The following GRIK4 variants were observed in gnomAD, a reference collection of about 807,000 sequenced individuals.
GRIK4 encodes glutamate receptor ionotropic, kainate 4.
In GRIK4, 40 loss-of-function variants were observed where a neutral mutation model predicts 104.9. That is an observed-to-expected ratio of 0.38 (90% CI 0.30 to 0.50). The LOEUF is 0.50. Among genes scored for constraint, GRIK4 ranks in the 20% least tolerant of loss-of-function variants. The probability of loss-of-function intolerance (pLI) is 0.93; values close to 1 mark genes in which losing one functional copy is unlikely to be tolerated. For missense variants in GRIK4, 1,047 were observed against 1,308.1 expected (o/e 0.80, Z 3.08); for synonymous variants, 485 against 524.9 (o/e 0.92, Z 1.04).
At chr11:120,817,793 A>T (rs4936552) in intron 5 of GRIK4, among the ~76,000 whole-genome samples, 42,937 of 152,106 alleles carry the variant, frequency 0.28, 6,966 homozygotes, top group East Asian at 0.42. Flanking sequence ...AAGGCTCCCC[A>T]TCAGCTCCCC....
chr11:120,805,298 C>G lies in GRIK4; in HGVS notation c.247+2441C>G, dbSNP rs1019623412. On this transcript the variant is annotated intron_variant, in intron 4 of 20. Coordinates refer to ENST00000527524, the MANE Select transcript of GRIK4 (RefSeq NM_014619.5). ...GTAGTCCATACTTTGAAAAGCCAGC[C>G]CTTCTCTTCTCGGTTCTTCAGGGCT... Among the ~76,000 whole-genome samples, 6 of 152,124 alleles carry G rather than the reference C, an allele frequency of 3.9e-5. 1 individual carries two copies. In the South Asian group the frequency reaches 1.0e-3, roughly 26 times the overall value.
chr11:120,951,569 T>C (rs1423290306), intron 14 of GRIK4, among the ~76,000 whole-genome samples: 1 of 152,258 alleles, frequency 6.6e-6, no homozygotes, highest in Non-Finnish European at 1.5e-5. Context: ...TTAGTACTGA[T>C]TTTCAGTCCT....
At chr11:120,947,526 G>A (rs1156832656) in intron 14 of GRIK4, among the ~76,000 whole-genome samples, 88 of 152,176 alleles carry the variant, frequency 5.8e-4, no homozygotes, top group Admixed American at 5.8e-3. Flanking sequence ...CTAGGAAAAT[G>A]GAGAACAATG....
intron 4 of GRIK4, among the ~76,000 whole-genome samples, chr11:120,807,416 T>C (rs1591938324): frequency 6.6e-6 from 1 of 152,206 alleles, no homozygotes; most frequent in East Asian, 1.9e-4. Context: ...AGGCCAAGCA[T>C]GCTATCAGCT....
chr11:120,664,705 G>T (rs1949877779), intron 3 of GRIK4, among the ~76,000 whole-genome samples: 1 of 152,224 alleles, frequency 6.6e-6, no homozygotes, highest in African/African-American at 2.4e-5. Flanking sequence ...CTGGTAAGGA[G>T]TTGAAAGATG....
At chr11:120,860,308 C>G (rs1405012155) in intron 8 of GRIK4, among the ~76,000 whole-genome samples, 2 of 152,194 alleles carry the variant, frequency 1.3e-5, no homozygotes, top group East Asian at 3.8e-4. Context: ...AATCTACACC[C>G]TCTTGACTGG....
chr11:120,689,449 G>C (rs897288263), intron 3 of GRIK4, among the ~76,000 whole-genome samples: 4 of 151,940 alleles, frequency 2.6e-5, no homozygotes, highest in Non-Finnish European at 5.9e-5. Context: ...CCATGATCCA[G>C]CCATACCCAC....
chr11:120,719,342 G>T (rs1950891031), intron 3 of GRIK4, among the ~76,000 whole-genome samples: 1 of 152,226 alleles, frequency 6.6e-6, no homozygotes, highest in Non-Finnish European at 1.5e-5. Flanking sequence ...CAGTGTGTGT[G>T]AGGGGTTAAC....
At chr11:120,784,920 G>A (rs1053469911) in intron 3 of GRIK4, among the ~76,000 whole-genome samples, 22 of 152,102 alleles carry the variant, frequency 1.4e-4, no homozygotes, top group African/African-American at 4.8e-5. Context: ...GCGTGAGGTC[G>A]GCGCTCAGTA....
intron 19 of GRIK4, 88 bp from the exon 20 acceptor site, chr11:120,982,018 T>C: frequency 1.1e-6 from 1 of 909,806 alleles, no homozygotes; most frequent in Non-Finnish European, 1.8e-6. Context: ...CTCAAGTTCT[T>C]GTTTGAATGA....
In GRIK4 at chr11:120,741,435, C is replaced by T. The variant is rs533168316; in HGVS notation, c.83-61258C>T. On this transcript the variant is annotated intron_variant, in intron 3 of 20. Transcript: ENST00000527524. The stretch of plus-strand genomic sequence containing the variant: ...CTGGGACTACAGGCACGCACCACCA[C>T]GCCCAGCTAATTTTTGTATTTTTTA... Among the ~76,000 whole-genome samples the T allele has an allele frequency of 5.2e-3, 789 of 151,932 alleles. 2 individuals are homozygous for T. Among genetic ancestry groups the T allele is most frequent in the Non-Finnish European group, 7.1e-3 (480 of 67,932 alleles).
chr11:120,907,579 A>G (rs1942896637), intron 13 of GRIK4, among the ~76,000 whole-genome samples: 1 of 152,170 alleles, frequency 6.6e-6, no homozygotes, highest in Non-Finnish European at 1.5e-5. Flanking sequence ...GACACTGGAG[A>G]TACAATGGGG....
At chr11:120,889,785 G>C (rs918327256) in intron 11 of GRIK4, among the ~76,000 whole-genome samples, 12 of 151,810 alleles carry the variant, frequency 7.9e-5, no homozygotes, top group African/African-American at 2.7e-4. Context: ...TCTGTTTTTA[G>C]TAGAGACAGG....
intron 12 of GRIK4, among the ~76,000 whole-genome samples, chr11:120,899,193 G>A (rs1942665104): frequency 6.6e-6 from 1 of 152,102 alleles, no homozygotes; most frequent in South Asian, 2.1e-4. Flanking sequence ...GAAGTGGGAA[G>A]ATCACTTGAG....
chr11:120,972,823 G>A (rs1944497512), intron 19 of GRIK4, among the ~76,000 whole-genome samples: 1 of 152,072 alleles, frequency 6.6e-6, no homozygotes, highest in Non-Finnish European at 1.5e-5. Flanking sequence ...ACTGTGGTAT[G>A]ACGCATATTT....
intron 2 of GRIK4, among the ~76,000 whole-genome samples, chr11:120,658,458 C>T (rs1046796135): frequency 6.6e-6 from 1 of 152,064 alleles, no homozygotes. Context: ...ACCAGTTTTC[C>T]AAAGTACTTA....
At chr11:120,556,827 G>A (rs932220251) in intron 1 of GRIK4, among the ~76,000 whole-genome samples, 8 of 152,058 alleles carry the variant, frequency 5.3e-5, no homozygotes, top group African/African-American at 1.2e-4. Flanking sequence ...TGGCAGTCAC[G>A]TCCCCGCCCT....
chr11:120,581,667 T>C (rs1948582498), intron 1 of GRIK4, among the ~76,000 whole-genome samples: 1 of 152,212 alleles, frequency 6.6e-6, no homozygotes, highest in Non-Finnish European at 1.5e-5. Context: ...AGCATTTGCC[T>C]TTTTGCGACG....
chr11:120,516,239 G>C, intron 1 of GRIK4, among the ~76,000 whole-genome samples: 1 of 152,140 alleles, frequency 6.6e-6, no homozygotes, highest in East Asian at 1.9e-4. Context: ...CAAGACACCC[G>C]GTCTCTGGGA....
Sources: allele counts gnomAD v4.1 joint callset (sites outside exome capture counted in the v4.1 genomes callset), GRCh38; gene constraint gnomAD v4.1.1; transcripts MANE v1.5; gene names NCBI Gene and HGNC (gene_info 2026-07-23, HGNC 2026-07-21).